PKHD1L1: variants seen among roughly 807,000 people sequenced by gnomAD.
PKHD1L1 encodes the protein PKHD1 like 1.
PKHD1L1 carries 434 observed loss-of-function variants against 462.9 expected under a neutral mutation model. The observed-to-expected ratio is 0.94, with a 90% confidence interval of 0.87 to 1.02. The LOEUF (loss-of-function observed/expected upper bound fraction) is 1.02, where lower values mean the gene tolerates loss of function less well. Ranked by LOEUF, PKHD1L1 falls within the 50% of genes least tolerant of loss-of-function variation. PKHD1L1 has a pLI of 0.00. For missense variants in PKHD1L1, 5,202 were observed against 5,096.1 expected, an observed-to-expected ratio of 1.02 and a Z score of -0.63; for synonymous variants, 1,781 against 1,750.0, an observed-to-expected ratio of 1.02 and a Z score of -0.44.
rs572256079 is a variant in PKHD1L1, at chr8:109,491,857, T to C, written c.10115-16T>C. ...TTTTTTGGGGATTTTCTTTCTTTTTTTCTTTTTTTAAACAGGCATAAGAAT... is the reference window on the plus strand; with the variant it reads ...TTTTTTGGGGATTTTCTTTCTTTTTCTCTTTTTTTAAACAGGCATAAGAAT... On this transcript the variant is annotated splice_polypyrimidine_tract_variant and intron_variant, in intron 61 of 77. Transcript: ENST00000378402. The C allele has an allele frequency of 2.2e-5, 33 of 1,533,800 alleles. No homozygotes were observed. In the East Asian group the frequency reaches 4.1e-4, roughly 19 times the overall value.
Position 109,483,123 on chromosome 8 carries a change from G to A in PKHD1L1, c.9576+18G>A, listed in dbSNP as rs1359322385. ...ATTGGCAGGTAGACAAAATAATTAT[G>A]TAATGGAAAATGAATATACACAGTG... On this transcript the variant is annotated intron_variant, in intron 57 of 77. Coordinates refer to ENST00000378402, the MANE Select transcript of PKHD1L1 (RefSeq NM_177531.6). 1.3e-6 allele frequency: 2 copies of A among 1,537,642 alleles called. No homozygotes were observed. The highest frequency in any genetic ancestry group is 8.8e-7 in the Non-Finnish European group (1 of 1,134,816).
chr8:109,476,721 G>A, intron 52 of PKHD1L1, 54 bp downstream of exon 52: 1 of 1,477,220 alleles, frequency 6.8e-7, no homozygotes, highest in South Asian at 1.3e-5. Context: ...TCTAAAAGAT[G>A]AGAAAAATTG....
chr8:109,378,310 G>T (rs1007823176), intron 2 of PKHD1L1, among the ~76,000 whole-genome samples: 3 of 152,122 alleles, frequency 2.0e-5, no homozygotes, highest in Non-Finnish European at 4.4e-5. Context: ...GACAGTGTGA[G>T]TCACATGATG....
chr8:109,444,439 CT>C (rs2130754619), intron 37 of PKHD1L1, among the ~76,000 whole-genome samples: 1 of 152,066 alleles, frequency 6.6e-6, no homozygotes, highest in Admixed American at 6.5e-5. Flanking sequence ...TTGTTTTCAC[CT>C]TTTGATTATT....
At chr8:109,432,977 T>C (rs895739389) in intron 27 of PKHD1L1, 129 bp from the exon 28 acceptor site, 4 of 649,206 alleles carry the variant, frequency 6.2e-6, no homozygotes, top group African/African-American at 5.6e-5. Flanking sequence ...TTCTCCCTGC[T>C]CTCCTGTTAG....
chr8:109,479,432 A>AT (rs11438806), intron 53 of PKHD1L1, 119 bp from the exon 54 acceptor site: 254,765 of 663,088 alleles, frequency 0.38, 50,437 homozygotes, highest in South Asian at 0.54. Context: ...CAAAGCGTGC[A>AT]TTTTTTTTCT....
At chr8:109,402,910 A>G (rs1340598127) in intron 14 of PKHD1L1, among the ~76,000 whole-genome samples, 1 of 151,800 alleles carries the variant, frequency 6.6e-6, no homozygotes, top group Non-Finnish European at 1.5e-5. Context: ...TTCCTTTTTT[A>G]TCCTCTTTCT....
intron 50 of PKHD1L1, chr8:109,471,122 C>G: frequency 6.8e-7 from 1 of 1,468,930 alleles, no homozygotes; most frequent in East Asian, 2.3e-5. Flanking sequence ...AACTAAAACA[C>G]TCAGCAGACA....
At chr8:109,509,521 G>T (rs1819865341) in intron 70 of PKHD1L1, among the ~76,000 whole-genome samples, 1 of 150,900 alleles carries the variant, frequency 6.6e-6, no homozygotes, top group East Asian at 1.9e-4. Context: ...AATCATGAAG[G>T]TGTTAGAAGA....
intron 70 of PKHD1L1, among the ~76,000 whole-genome samples, chr8:109,509,227 C>A (rs889110312): frequency 1.3e-5 from 2 of 151,994 alleles, no homozygotes; most frequent in Admixed American, 1.3e-4. Flanking sequence ...GCAGTTAACC[C>A]AATTTTAGAT....
chr8:109,526,092 C>G (rs1227615026), intron 76 of PKHD1L1, among the ~76,000 whole-genome samples: 1 of 152,088 alleles, frequency 6.6e-6, no homozygotes, highest in African/African-American at 2.4e-5. Context: ...ATCTCCTATT[C>G]AAAACTGTGG....
At chr8:109,510,188 T>C (rs1204016798) in intron 70 of PKHD1L1, among the ~76,000 whole-genome samples, 2 of 152,128 alleles carry the variant, frequency 1.3e-5, no homozygotes, top group African/African-American at 4.8e-5. Context: ...GACGAATGTG[T>C]TTGTTGAATT....
chr8:109,458,914 T>C (rs1392967887), intron 46 of PKHD1L1, among the ~76,000 whole-genome samples: 1 of 152,106 alleles, frequency 6.6e-6, no homozygotes, highest in Non-Finnish European at 1.5e-5. Context: ...TCAATAAATG[T>C]TTGTTGAATG....
At chr8:109,415,561 A>G (rs1563752015) in intron 21 of PKHD1L1, among the ~76,000 whole-genome samples, 1 of 152,102 alleles carries the variant, frequency 6.6e-6, no homozygotes, top group Non-Finnish European at 1.5e-5. Context: ...ACAGTGGCAG[A>G]AAGGTGACAA....
In PKHD1L1 at chr8:109,459,814, A is replaced by G. The variant is rs370098479; in HGVS notation, c.7224A>G (p.Ala2408=). 1.4e-5 allele frequency: 23 copies of G among 1,610,812 alleles called. No individual in the cohort carries two copies. The African/African-American group carries it at 2.0e-4, about 14-fold the overall frequency. ...DNVEWNNKIP[A]CPDGFDTGEF... ...TTGAGTGGAATAACAAAATTCCTGC[A>G]TGTCCTGATGGATTTGACACAGGTA... The change falls in exon 47 of 78, where the codon GCA becomes GCG. Residue 2408 remains alanine, a synonymous_variant. Coordinates refer to ENST00000378402, the MANE Select transcript of PKHD1L1 (RefSeq NM_177531.6).
In PKHD1L1 at chr8:109,435,270, G is replaced by A. The variant is rs1255518107; in HGVS notation, c.3421G>A (p.Ala1141Thr). 1 of 1,613,756 alleles carries A rather than the reference G, an allele frequency of 6.2e-7. No homozygotes were observed. The highest frequency in any genetic ancestry group is 8.5e-7 in the Non-Finnish European group (1 of 1,179,816). Residue 1141 changes from alanine to threonine, a missense_variant, in exon 29 of 78, where the codon GCA becomes ACA. By Grantham distance (58) the Ala-to-Thr change is moderately conservative. Coordinates refer to ENST00000378402, the MANE Select transcript of PKHD1L1 (RefSeq NM_177531.6). ...TGTGTCCATGGCTGATGTTGGACTAGCACAGAATGTAGGGGGTGAAGAGTT... is the reference window on the plus strand; with the variant it reads ...TGTGTCCATGGCTGATGTTGGACTAACACAGAATGTAGGGGGTGAAGAGTT... ...VAVSMADVGLAQNVGGEEFYF... is the reference protein window; with the variant it reads ...VAVSMADVGLTQNVGGEEFYF...
In PKHD1L1 at chr8:109,495,536, G is replaced by C. The variant is rs145754907; in HGVS notation, c.10328-1383G>C. 2.0e-5 allele frequency among the ~76,000 whole-genome samples: 3 copies of C among 152,146 alleles called. No individual in the cohort carries two copies. In the East Asian group the frequency reaches 5.8e-4, roughly 29 times the overall value. On this transcript the variant is annotated intron_variant, in intron 63 of 77. Coordinates refer to ENST00000378402, the MANE Select transcript of PKHD1L1 (RefSeq NM_177531.6). ...TCAATTTATTCAATCCATCCTCCAGGCAAGAGTCTGGGAAACTGGGGATAG... is the reference window on the plus strand; with the variant it reads ...TCAATTTATTCAATCCATCCTCCAGCCAAGAGTCTGGGAAACTGGGGATAG...
At chr8:109,466,999 A>G (rs769140143) in intron 50 of PKHD1L1, among the ~76,000 whole-genome samples, 1 of 152,126 alleles carries the variant, frequency 6.6e-6, no homozygotes, top group Non-Finnish European at 1.5e-5. Flanking sequence ...TCCAGACAAT[A>G]TTATGACAGA....
intron 17 of PKHD1L1, 70 bp downstream of exon 17, chr8:109,406,548 A>T: frequency 7.0e-7 from 1 of 1,419,074 alleles, no homozygotes; most frequent in African/African-American, 1.5e-5. Context: ...TAAAAGTTCC[A>T]TAAGATGACA....
Sources: gnomAD v4.1 joint callset for allele counts (sites outside exome capture counted in the v4.1 genomes callset) on GRCh38, gnomAD v4.1.1 for gene constraint, MANE v1.5 for transcripts, NCBI Gene and HGNC (gene_info 2026-07-23, HGNC 2026-07-21) for gene names.